Variants in SLC24A3 observed in about 807,000 individuals in gnomAD.
SLC24A3 encodes the protein solute carrier family 24 member 3.
SLC24A3 carries 28 observed loss-of-function variants against 75.8 expected under a neutral mutation model. The observed-to-expected ratio is 0.37, with a 90% CI of 0.27 to 0.51. The LOEUF (loss-of-function observed/expected upper bound fraction) is 0.51, where lower values mean the gene tolerates loss of function less well. Among genes scored for constraint, SLC24A3 ranks in the 20% least tolerant of loss-of-function variants. The pLI is 0.94. For synonymous variants in SLC24A3, 372 were observed against 334.1 expected, an observed-to-expected ratio of 1.11 and a Z score of -1.24; for missense variants, 663 against 847.8, an observed-to-expected ratio of 0.78 and a Z score of 2.71.
rs11481137 is a variant in SLC24A3 at position 19,701,357 on chromosome 20, T to TAAA, written c.1719+2684_1719+2686dup. ...GGTGCCCCCCGAAACATATTTTTATTAAAAAAAAACATTAATTCAGCATTT... is the reference window on the plus strand; with the variant it reads ...GGTGCCCCCCGAAACATATTTTTATTAAAAAAAAAAAACATTAATTCAGCATTT... On this transcript the variant is annotated intron_variant, in intron 15 of 16. Coordinates refer to ENST00000328041, the MANE Select transcript of SLC24A3 (RefSeq NM_020689.4). 4.2e-3 allele frequency among the ~76,000 whole-genome samples: 639 copies of TAAA among 150,978 alleles called. 6 individuals carry two copies. The highest frequency in any genetic ancestry group is 0.014 in the African/African-American group (594 of 41,092).
chr20:19,679,618 CTT>C (rs1311991908), intron 9 of SLC24A3, among the ~76,000 whole-genome samples: 6 of 151,956 alleles, frequency 3.9e-5, no homozygotes, highest in African/African-American at 9.7e-5. Flanking sequence ...GAGACTCACT[CTT>C]TTAGGATTCT....
chr20:19,488,683 G>C (rs191790496), intron 2 of SLC24A3, among the ~76,000 whole-genome samples: 6 of 152,222 alleles, frequency 3.9e-5, no homozygotes, highest in Admixed American at 3.9e-4. Flanking sequence ...GACCAGAAGT[G>C]TTTCAGATTT....
chr20:19,698,717 G>A (rs1168694665), intron 15 of SLC24A3, 37 bp downstream of exon 15: 14 of 1,486,848 alleles, frequency 9.4e-6, no homozygotes, highest in East Asian at 2.5e-5. Flanking sequence ...CTGAAATCCA[G>A]GGCTACGTGA....
chr20:19,502,274 G>A lies in SLC24A3; in HGVS notation c.272-13214G>A, dbSNP rs1332119398. On this transcript the variant is annotated intron_variant, in intron 2 of 16. Transcript: ENST00000328041. ...GAAAGAAAGGAGTCAAAGAGGGAGA[G>A]CCCTATAATAGACATATAAATTTCC... 2.0e-5 allele frequency among the ~76,000 whole-genome samples: 3 copies of A among 152,242 alleles called. No individual in the cohort carries two copies. The East Asian group carries it at 5.8e-4, about 29-fold the overall frequency.
chr20:19,452,893 A>G (rs1439263818), intron 2 of SLC24A3, among the ~76,000 whole-genome samples: 4 of 152,146 alleles, frequency 2.6e-5, no homozygotes, highest in African/African-American at 9.7e-5. Flanking sequence ...TAAAAATATT[A>G]GCCACCTGTA....
intron 3 of SLC24A3, among the ~76,000 whole-genome samples, chr20:19,579,522 A>G (rs1432625734): frequency 6.6e-6 from 1 of 152,248 alleles, no homozygotes; most frequent in African/African-American, 2.4e-5. Flanking sequence ...AATTAATTAT[A>G]TGACATCATA....
intron 13 of SLC24A3, chr20:19,694,459 C>A (rs905269193): frequency 1.4e-4 from 21 of 152,306 alleles, no homozygotes; most frequent in Admixed American, 1.2e-3. Context: ...AAACCTGACA[C>A]AACTAATTCA....
chr20:19,606,060 G>A (rs1174502544), intron 6 of SLC24A3, among the ~76,000 whole-genome samples: 1 of 152,204 alleles, frequency 6.6e-6, no homozygotes, highest in East Asian at 1.9e-4. Flanking sequence ...GAGCAGCAAA[G>A]CAAAAGAAAG....
At chr20:19,217,139 G>GTTTATATC (rs1981582680) in intron 1 of SLC24A3, among the ~76,000 whole-genome samples, 2 of 152,254 alleles carry the variant, frequency 1.3e-5, no homozygotes, top group African/African-American at 4.8e-5. Context: ...AAGATGGCAT[G>GTTTATATC]TTTATATCCT....
chr20:19,612,607 AGT>A (rs71198018), intron 6 of SLC24A3, among the ~76,000 whole-genome samples: 10,906 of 146,806 alleles, frequency 0.074, 560 homozygotes, highest in East Asian at 0.23. Context: ...CCTTAAGAAA[AGT>A]GTGTGTGTGT....
chr20:19,511,662 T>G (rs1156784173), intron 2 of SLC24A3, among the ~76,000 whole-genome samples: 1 of 152,204 alleles, frequency 6.6e-6, no homozygotes, highest in Non-Finnish European at 1.5e-5. Context: ...AATCTCTCCC[T>G]GTGACTTTTT....
chr20:19,556,825 A>C (rs1019847316), intron 3 of SLC24A3, among the ~76,000 whole-genome samples: 3 of 152,220 alleles, frequency 2.0e-5, no homozygotes, highest in African/African-American at 4.8e-5. Context: ...CTAGAAAACA[A>C]CACCAGGCAA....
chr20:19,270,695 T>C (rs1983300595), intron 1 of SLC24A3, among the ~76,000 whole-genome samples: 2 of 152,126 alleles, frequency 1.3e-5, no homozygotes, highest in Non-Finnish European at 2.9e-5. Context: ...ACATATGAAT[T>C]TGACACCAAC....
intron 3 of SLC24A3, among the ~76,000 whole-genome samples, chr20:19,547,269 A>G (rs143965413): frequency 6.6e-6 from 1 of 152,346 alleles, no homozygotes; most frequent in African/African-American, 2.4e-5. Context: ...GCTAAGTGAA[A>G]GAGGCTAGGT....
At chr20:19,562,288 C>T (rs758853654) in intron 3 of SLC24A3, among the ~76,000 whole-genome samples, 2 of 152,112 alleles carry the variant, frequency 1.3e-5, no homozygotes, top group Admixed American at 6.5e-5. Context: ...CTCTAACAGC[C>T]GTAGAACCAA....
intron 2 of SLC24A3, among the ~76,000 whole-genome samples, chr20:19,432,697 A>C (rs1987125818): frequency 6.6e-6 from 1 of 152,226 alleles, no homozygotes; most frequent in Non-Finnish European, 1.5e-5. Flanking sequence ...GTGTTGCCTC[A>C]GCTAATAAGG....
chr20:19,683,599 T>G (rs2032638636), intron 10 of SLC24A3, among the ~76,000 whole-genome samples: 3 of 152,234 alleles, frequency 2.0e-5, no homozygotes, highest in African/African-American at 7.2e-5. Flanking sequence ...AGTGCAGAAC[T>G]GCACTAACGT....
intron 3 of SLC24A3, among the ~76,000 whole-genome samples, chr20:19,524,965 A>T (rs2030171806): frequency 6.6e-6 from 1 of 152,208 alleles, no homozygotes; most frequent in Non-Finnish European, 1.5e-5. Context: ...GGCACACTCC[A>T]TGTTGGCGCT....
intron 1 of SLC24A3, among the ~76,000 whole-genome samples, chr20:19,214,002 C>G (rs1232410342): frequency 6.6e-6 from 1 of 152,272 alleles, no homozygotes; most frequent in East Asian, 1.9e-4. Flanking sequence ...GTGTTGAGGT[C>G]GACGTAGCTC....
Sources: allele counts gnomAD v4.1 joint callset (sites outside exome capture counted in the v4.1 genomes callset), GRCh38; gene constraint gnomAD v4.1.1; transcripts MANE v1.5; gene names NCBI Gene and HGNC (gene_info 2026-07-23, HGNC 2026-07-21).